The following PHLDB1 variants were observed in gnomAD, a reference collection of about 807,000 sequenced individuals.
PHLDB1 encodes pleckstrin homology like domain family B member 1, also known as pleckstrin homology-like domain family B member 1.
In PHLDB1, 65 loss-of-function variants were observed where a neutral mutation model predicts 139.3. That is an observed-to-expected ratio of 0.47 (90% confidence interval 0.38 to 0.57). The LOEUF (loss-of-function observed/expected upper bound fraction) is 0.57, where lower values mean the gene tolerates loss of function less well. Among genes scored for constraint, PHLDB1 ranks in the 20% least tolerant of loss-of-function variants. The probability of loss-of-function intolerance (pLI) is 0.00; values close to 1 mark genes in which losing one functional copy is unlikely to be tolerated. For missense variants in PHLDB1, 1,624 were observed against 1,839.7 expected (o/e 0.88, Z 2.14); for synonymous variants, 679 against 734.5 (o/e 0.92, Z 1.22).
chr11:118,650,104 A>G lies in PHLDB1; in HGVS notation c.3682A>G (p.Ile1228Val). 1.9e-6 allele frequency: 3 copies of G among 1,614,162 alleles called. No homozygotes were observed. Among genetic ancestry groups the G allele is most frequent in the Non-Finnish European group, 2.5e-6 (3 of 1,179,998 alleles). Residue 1228 changes from isoleucine (I) to valine (V), a missense_variant, in exon 19 of 23, where the codon ATC becomes GTC. Physicochemically the swap from Ile to Val is conservative, Grantham distance 29. Transcript: ENST00000600882. This position sits in a 1 kb window ranked among gnomAD's most constrained non-coding sequence, Gnocchi z 4.7. The stretch of plus-strand genomic sequence containing the variant: ...ACGACCCCTGACCCGCTACCTGCCA[A>G]TCCGGAAGGAGGACTTTGACCTGAA... The part of the protein sequence containing the change: ...QARPLTRYLP[I>V]RKEDFDLKTH...
rs782376990 is a variant in PHLDB1, at chr11:118,645,722, C to G, written c.3417-13C>G. Reference sequence around the variant, plus strand: ...GCTCCTTGATGCACTTCCTCTTCCCCTTCTCTCCCCAGCGCGAGTGGTCTG... The same window carrying G: ...GCTCCTTGATGCACTTCCTCTTCCCGTTCTCTCCCCAGCGCGAGTGGTCTG... On this transcript the variant is annotated splice_polypyrimidine_tract_variant and intron_variant, in intron 16 of 22. Coordinates refer to ENST00000600882, the MANE Select transcript of PHLDB1 (RefSeq NM_001144758.3). This position sits in a 1 kb window ranked among gnomAD's most constrained non-coding sequence, Gnocchi z 5.1. The G allele has an allele frequency of 1.2e-6, 2 of 1,612,696 alleles. No individual in the cohort carries two copies. The highest frequency in any genetic ancestry group is 1.1e-5 in the South Asian group (1 of 91,056).
chr11:118,636,094 C>T (rs1319790697), intron 10 of PHLDB1, among the ~76,000 whole-genome samples: 1 of 152,214 alleles, frequency 6.6e-6, no homozygotes, highest in Non-Finnish European at 1.5e-5. Flanking sequence ...TGCTCTTGAT[C>T]TCAGCCAGAC....
intron 6 of PHLDB1, 110 bp from the exon 7 acceptor site, chr11:118,631,097 T>C: frequency 2.0e-6 from 2 of 982,386 alleles, no homozygotes; most frequent in Non-Finnish European, 2.8e-6. Flanking sequence ...ACTGATGTCC[T>C]AGCCCCCTGT....
At position 118,609,137 on chromosome 11, in the gene PHLDB1, TCACA is replaced by T. The variant is rs1268368812; in HGVS notation, c.-22+1445_-22+1448del. Among the ~76,000 whole-genome samples the T allele has an allele frequency of 6.0e-5, 7 of 117,000 alleles. No homozygotes were observed. The South Asian group carries it at 8.4e-4, about 14-fold the overall frequency. The allele number at this position is 117,000 out of a possible 152,430, so 76.8% of individuals were successfully genotyped here. On this transcript the variant is annotated intron_variant, in intron 1 of 22. Transcript: ENST00000600882. ...CAGCCCGTCACACACACAGCCCAGC[TCACA>T]CACACAGCCCAGCTCACACAAGCAG... is the stretch of plus-strand genomic sequence containing the variant.
At chr11:118,631,516 G>T in intron 7 of PHLDB1, 37 bp downstream of exon 7, 1 of 1,411,730 alleles carries the variant, frequency 7.1e-7, no homozygotes, top group Non-Finnish European at 9.2e-7. Context: ...AGAGGCTGAA[G>T]TTGGACCTGC....
intron 18 of PHLDB1, among the ~76,000 whole-genome samples, chr11:118,648,310 TGTGTGTG>T (rs1947864804): frequency 6.8e-6 from 1 of 147,218 alleles, no homozygotes; most frequent in Non-Finnish European, 1.5e-5. Context: ...TGTGTGTGTG[TGTGTGTG>T]TGTGTGTTTG....
rs1946750210 is a variant in PHLDB1 at position 118,642,542 on chromosome 11, G to T, written c.2877+148G>T. 9 of 935,604 alleles carry T rather than the reference G, an allele frequency of 9.6e-6. No individual in the cohort carries two copies. The Admixed American group carries it at 1.0e-4, about 11-fold the overall frequency. The allele number at this position is 935,604 out of a possible 1,614,324, so 58.0% of individuals were successfully genotyped here. On this transcript the variant is annotated intron_variant, in intron 13 of 22. Transcript: ENST00000600882. ...GAGGGCACCTCTGGGCCCTGAGAGGGTCACTCCTTGGGCAGCCATCCTGGC... is the reference window on the plus strand; with the variant it reads ...GAGGGCACCTCTGGGCCCTGAGAGGTTCACTCCTTGGGCAGCCATCCTGGC...
chr11:118,657,083 C>T lies in PHLDB1; in HGVS notation c.*260C>T. On this transcript the variant is annotated 3_prime_UTR_variant, in exon 23 of 23. Transcript: ENST00000600882. ...AGCTCTGACCTGACACCTGCTCTCC[C>T]CAGCCTGTTTTCTCTTTTCTAAAAG... 1 of 352,976 alleles carries T rather than the reference C, an allele frequency of 2.8e-6. No individual in the cohort carries two copies. Among genetic ancestry groups the T allele is most frequent in the Non-Finnish European group, 5.1e-6 (1 of 194,670 alleles). 21.9% of individuals were successfully genotyped at this position (352,976 alleles called of 1,614,324 possible). A position where few individuals can be genotyped will look rare whatever the true frequency, so the allele number is the denominator to read the frequency against.
Position 118,650,682 on chromosome 11 carries a change from C to G in PHLDB1, c.3874+135C>G, listed in dbSNP as rs1555135854. On this transcript the variant is annotated intron_variant, in intron 20 of 22. Coordinates refer to ENST00000600882, the MANE Select transcript of PHLDB1 (RefSeq NM_001144758.3). The surrounding 1 kb of genome is among the most constrained non-coding windows in gnomAD (Gnocchi z 4.7). ...TCTTGGGCTAGGCTTTGCCCTCCTT[C>G]CCTGAAAATGTACACAATGTACCTG... 3.1e-6 allele frequency: 2 copies of G among 639,202 alleles called. No homozygotes were observed. The highest frequency in any genetic ancestry group is 5.6e-6 in the Non-Finnish European group (2 of 356,606). The allele number at this position is 639,202 out of a possible 1,614,324, so 39.6% of individuals were successfully genotyped here.
chr11:118,632,893 A>G lies in PHLDB1; in HGVS notation c.2379+597A>G. 1 of 953,190 alleles carries G rather than the reference A, an allele frequency of 1.0e-6. No homozygotes were observed. The highest frequency in any genetic ancestry group is 1.2e-6 in the Non-Finnish European group (1 of 800,716). 59.0% of individuals were successfully genotyped at this position (953,190 alleles called of 1,614,324 possible). A position where few individuals can be genotyped will look rare whatever the true frequency, so the allele number is the denominator to read the frequency against. On this transcript the variant is annotated intron_variant, in intron 9 of 22. Transcript: ENST00000600882. The surrounding 1 kb of genome is among the most constrained non-coding windows in gnomAD (Gnocchi z 5.9). ...GTGGAGAGGGGTCATCTATTTCTGG[A>G]TCTGACAGTATTTTTCCAATAATTT...
At chr11:118,616,481 AGAGGGCCT>A (rs560712595) in intron 4 of PHLDB1, among the ~76,000 whole-genome samples, 1,716 of 152,178 alleles carry the variant, frequency 0.011, 14 homozygotes, top group Non-Finnish European at 0.017. Flanking sequence ...TCCCGCCATC[AGAGGGCCT>A]GGGGCATGAT....
intron 9 of PHLDB1, 125 bp from the exon 10 acceptor site, chr11:118,635,268 G>A (rs1945455337): frequency 3.6e-6 from 4 of 1,114,384 alleles, no homozygotes; most frequent in Non-Finnish European, 5.2e-6. Context: ...GCTGGGGGGA[G>A]GCAGGTTTCT....
In PHLDB1 at chr11:118,638,993, C is replaced by T. The variant is rs1555117883; in HGVS notation, c.2638C>T (p.Leu880=). ...ARDKNASLQL[L]QKEKEKLTVL... ...GGACAAGAATGCCTCCTTACAGCTG[C>T]TGCAAAAGGTAGGGTCCCTGAGGTT... Residue 880 remains leucine (L), a synonymous_variant, in exon 11 of 23, where the codon CTG becomes TTG. Transcript: ENST00000600882. The T allele has an allele frequency of 6.2e-7, 1 of 1,612,632 alleles. No homozygotes were observed. Among genetic ancestry groups the T allele is most frequent in the Non-Finnish European group, 8.5e-7 (1 of 1,178,964 alleles).
intron 22 of PHLDB1, 139 bp downstream of exon 22, chr11:118,656,031 G>A: frequency 1.4e-6 from 1 of 702,764 alleles, no homozygotes; most frequent in Non-Finnish European, 2.6e-6. Flanking sequence ...CAAAGAGCAA[G>A]AAGCTCCTGT....
rs781894543 is a variant in PHLDB1, at chr11:118,627,836, C to T, written c.1013C>T (p.Thr338Ile). Residue 338 changes from threonine to isoleucine, a missense_variant, in exon 6 of 23, where the codon ACT becomes ATT. Physicochemically the swap from Thr to Ile is moderately conservative, Grantham distance 89 (BLOSUM62 -1). Transcript: ENST00000600882. ...CTGCTGACAGACAGCCCTGCAGCTA[C>T]TGTCTTGGCGGAGGCCCGGAGAGCC... is the stretch of plus-strand genomic sequence containing the variant. ...RGLLTDSPAA[T>I]VLAEARRATE... The T allele has an allele frequency of 6.2e-6, 10 of 1,606,928 alleles. No homozygotes were observed. Among genetic ancestry groups the T allele is most frequent in the African/African-American group, 1.3e-5 (1 of 74,918 alleles).
At position 118,655,844 on chromosome 11, in the gene PHLDB1, C is replaced by T. The variant is rs541633134; in HGVS notation, c.3961-16C>T. The T allele has an allele frequency of 6.2e-6, 10 of 1,609,520 alleles. No homozygotes were observed. The Admixed American group carries it at 1.7e-4, about 27-fold the overall frequency. ...TTTGTCAACTTTCTCTTCCTTTCTC[C>T]CTCTCCCCTTCCCAGAAGAGGTTTT... is the stretch of plus-strand genomic sequence containing the variant. On this transcript the variant is annotated splice_polypyrimidine_tract_variant and intron_variant, in intron 21 of 22. Coordinates refer to ENST00000600882, the MANE Select transcript of PHLDB1 (RefSeq NM_001144758.3).
chr11:118,645,680 C>T lies in PHLDB1; in HGVS notation c.3416+30C>T. 6.2e-6 allele frequency: 10 copies of T among 1,613,356 alleles called. No individual in the cohort carries two copies. Among genetic ancestry groups the T allele is most frequent in the Middle Eastern group, 1.7e-4 (1 of 6,060 alleles). On this transcript the variant is annotated intron_variant, in intron 16 of 22. Coordinates refer to ENST00000600882, the MANE Select transcript of PHLDB1 (RefSeq NM_001144758.3). The surrounding 1 kb of genome is among the most constrained non-coding windows in gnomAD (Gnocchi z 5.1). ...ACCCGACGCCTGGGCCCGCAGCCTC[C>T]CTCAGCCACCGCCTCAGCTCCTTGA... is the stretch of plus-strand genomic sequence containing the variant.
Position 118,632,377 on chromosome 11 carries a change from A to G in PHLDB1, c.2379+81A>G. 7.3e-7 allele frequency: 1 copy of G among 1,373,236 alleles called. No homozygotes were observed. Among genetic ancestry groups the G allele is most frequent in the Non-Finnish European group, 1.0e-6 (1 of 976,230 alleles). The allele number at this position is 1,373,236 out of a possible 1,614,324, so 85.1% of individuals were successfully genotyped here. A position where few individuals can be genotyped will look rare whatever the true frequency, so the allele number is the denominator to read the frequency against. ...AGAAATGTCTTCTCTGGGGCCCTGTACCCTTCACCTCATCATCCATTCTGC... is the reference window on the plus strand; with the variant it reads ...AGAAATGTCTTCTCTGGGGCCCTGTGCCCTTCACCTCATCATCCATTCTGC... On this transcript the variant is annotated intron_variant, in intron 9 of 22. Coordinates refer to ENST00000600882, the MANE Select transcript of PHLDB1 (RefSeq NM_001144758.3). This position sits in a 1 kb window ranked among gnomAD's most constrained non-coding sequence, Gnocchi z 5.9.
chr11:118,627,663 T>C lies in PHLDB1; in HGVS notation c.840T>C (p.Ser280=). The change falls in exon 6 of 23, where the codon TCT becomes TCC. Residue 280 remains serine, a synonymous_variant. Coordinates refer to ENST00000600882, the MANE Select transcript of PHLDB1 (RefSeq NM_001144758.3). ...HSPSGQEPGP[S]VPPLVPARSS... ...CCAGTGGGCAAGAGCCAGGACCTTC[T>C]GTGCCCCCGCTGGTACCTGCCCGTT... The C allele has an allele frequency of 6.2e-7, 1 of 1,611,588 alleles. No individual in the cohort carries two copies. The highest frequency in any genetic ancestry group is 8.5e-7 in the Non-Finnish European group (1 of 1,180,024).
Sources: gnomAD v4.1 joint callset for allele counts (sites outside exome capture counted in the v4.1 genomes callset) on GRCh38, gnomAD v4.1.1 for gene constraint, Gnocchi (gnomAD v3.1) non-coding constraint, MANE v1.5 for transcripts, NCBI Gene and HGNC (gene_info 2026-07-23, HGNC 2026-07-21) for gene names.